The following EHMT1 variants were observed in gnomAD, a reference collection of about 807,000 sequenced individuals.
The protein encoded by EHMT1 is histone-lysine N-methyltransferase EHMT1.
Under a neutral mutation model 147.2 loss-of-function variants are expected in EHMT1, and 15 were observed. The ratio of observed to expected loss-of-function variants is 0.10; its 90% CI spans 0.07 to 0.16. The LOEUF (loss-of-function observed/expected upper bound fraction) is 0.16. Among genes scored for constraint, EHMT1 ranks in the 10% least tolerant of loss-of-function variants. EHMT1 has a pLI of 1.00. For synonymous variants in EHMT1, 795 were observed against 709.6 expected (o/e 1.12, Z -1.91); for missense variants, 1,587 against 1,772.4 (o/e 0.90, Z 1.88).
intron 25 of EHMT1, among the ~76,000 whole-genome samples, chr9:137,827,505 T>C (rs558715161): frequency 6.6e-6 from 1 of 152,204 alleles, no homozygotes; most frequent in East Asian, 1.9e-4. Context: ...CCAGGAAGCT[T>C]TCTGATTCTG....
chr9:137,673,035 G>A (rs146037420), intron 1 of EHMT1, among the ~76,000 whole-genome samples: 8 of 152,314 alleles, frequency 5.3e-5, no homozygotes, highest in Non-Finnish European at 7.3e-5. Flanking sequence ...GGCTGACACC[G>A]GGCTGGATGG....
intron 1 of EHMT1, among the ~76,000 whole-genome samples, chr9:137,695,121 C>T (rs989488563): frequency 6.6e-6 from 1 of 152,236 alleles, no homozygotes; most frequent in Admixed American, 6.5e-5. Context: ...CAGGCAGGTG[C>T]TCACACCCTG....
intron 1 of EHMT1, chr9:137,675,337 G>A (rs930079102): frequency 3.3e-5 from 5 of 152,246 alleles, no homozygotes; most frequent in Non-Finnish European, 7.3e-5. Flanking sequence ...TGAGAATAAT[G>A]TGGCTTAAAA....
intron 1 of EHMT1, among the ~76,000 whole-genome samples, chr9:137,639,334 G>T (rs1844315354): frequency 6.6e-6 from 1 of 152,248 alleles, no homozygotes; most frequent in African/African-American, 2.4e-5. Flanking sequence ...CTATATGTCA[G>T]ATTGAATTGG....
chr9:137,763,018 G>A, intron 10 of EHMT1, 198 bp downstream of exon 10: 2 of 698,714 alleles, frequency 2.9e-6, no homozygotes, highest in Admixed American at 2.3e-5. Context: ...TCTAGAGCTT[G>A]TTAAAAAGGA....
intron 4 of EHMT1, among the ~76,000 whole-genome samples, chr9:137,728,874 G>A (rs535137269): frequency 6.6e-6 from 1 of 152,304 alleles, no homozygotes; most frequent in Non-Finnish European, 1.5e-5. Context: ...AAATGCTGGG[G>A]TGTGCTGGGG....
chr9:137,655,104 G>C (rs764830936), intron 1 of EHMT1, among the ~76,000 whole-genome samples: 2 of 151,848 alleles, frequency 1.3e-5, no homozygotes, highest in Non-Finnish European at 2.9e-5. Context: ...GTTCAAAAGA[G>C]TCTCCTGCCT....
intron 1 of EHMT1, among the ~76,000 whole-genome samples, chr9:137,686,227 C>CTGT (rs1177422461): frequency 7.5e-6 from 1 of 134,132 alleles, no homozygotes; most frequent in East Asian, 2.0e-4. Context: ...TCCAATTTAT[C>CTGT]TGTTTTTTCT....
Position 137,757,938 on chromosome 9 carries a change from C to T in EHMT1, c.1428C>T (p.Ser476=), listed in dbSNP as rs770624310. ...GSAEQTAPGD[S]TGYMEVSLDS... ...CTGAGCAGACGGCACCAGGAGACAG[C>T]ACAGGGTACATGGAAGTTTCTCTGG... is the stretch of plus-strand genomic sequence containing the variant. The change falls in exon 9 of 27, where the codon AGC becomes AGT. Residue 476 remains serine, a synonymous_variant. Coordinates refer to ENST00000460843, the MANE Select transcript of EHMT1 (RefSeq NM_024757.5). 2.5e-6 allele frequency: 4 copies of T among 1,613,904 alleles called. No homozygotes were observed. Among genetic ancestry groups the T allele is most frequent in the Non-Finnish European group, 2.5e-6 (3 of 1,180,016 alleles).
At chr9:137,703,180 C>A (rs1045682630) in intron 1 of EHMT1, among the ~76,000 whole-genome samples, 3 of 152,212 alleles carry the variant, frequency 2.0e-5, no homozygotes, top group Non-Finnish European at 4.4e-5. Flanking sequence ...GGGTCTGGCC[C>A]ACAAAACCAT....
intron 1 of EHMT1, among the ~76,000 whole-genome samples, chr9:137,689,134 A>G (rs1942717211): frequency 1.3e-5 from 2 of 152,164 alleles, no homozygotes; most frequent in African/African-American, 4.8e-5. Context: ...TTTACACTGG[A>G]AAGGATTTTA....
chr9:137,630,755 C>T (rs933710483), intron 1 of EHMT1, among the ~76,000 whole-genome samples: 4 of 152,078 alleles, frequency 2.6e-5, no homozygotes, highest in Admixed American at 1.3e-4. Flanking sequence ...CCAGTTTCCT[C>T]GACTGTGATT....
chr9:137,750,752 T>C (rs1000982829), intron 6 of EHMT1, among the ~76,000 whole-genome samples: 1 of 152,208 alleles, frequency 6.6e-6, no homozygotes, highest in African/African-American at 2.4e-5. Context: ...GCTCAGGACG[T>C]GGCTGCCGGA....
At chr9:137,659,016 G>C (rs1399968433) in intron 1 of EHMT1, among the ~76,000 whole-genome samples, 2 of 151,980 alleles carry the variant, frequency 1.3e-5, no homozygotes, top group African/African-American at 4.8e-5. Flanking sequence ...CTCTTTCCTT[G>C]AGTTTGAGTC....
At chr9:137,661,133 T>G (rs1564551307) in intron 1 of EHMT1, among the ~76,000 whole-genome samples, 1 of 152,192 alleles carries the variant, frequency 6.6e-6, no homozygotes. Flanking sequence ...AATTTTAGAC[T>G]TACAAAAAAA....
intron 1 of EHMT1, among the ~76,000 whole-genome samples, chr9:137,675,678 GC>G (rs1941199597): frequency 7.1e-6 from 1 of 140,738 alleles, no homozygotes; most frequent in Non-Finnish European, 1.5e-5. Context: ...CTGTCACCAG[GC>G]TGGCTCACTG....
chr9:137,722,135 C>T (rs1946121274), intron 3 of EHMT1, among the ~76,000 whole-genome samples: 1 of 152,148 alleles, frequency 6.6e-6, no homozygotes, highest in Admixed American at 6.5e-5. Context: ...AGAAACTGTA[C>T]ATCATTCGTC....
intron 25 of EHMT1, among the ~76,000 whole-genome samples, chr9:137,823,844 C>T (rs1955630949): frequency 6.6e-6 from 1 of 152,264 alleles, no homozygotes. Context: ...AGGCGTGAGC[C>T]ACTGTGCCTG....
At chr9:137,632,736 C>T (rs1843713725) in intron 1 of EHMT1, among the ~76,000 whole-genome samples, 1 of 152,156 alleles carries the variant, frequency 6.6e-6, no homozygotes, top group Non-Finnish European at 1.5e-5. Flanking sequence ...AGGCGTGAGC[C>T]ACTGTGCCCG....
Sources: allele counts gnomAD v4.1 joint callset (sites outside exome capture counted in the v4.1 genomes callset), GRCh38; gene constraint gnomAD v4.1.1; transcripts MANE v1.5; gene names NCBI Gene and HGNC (gene_info 2026-07-23, HGNC 2026-07-21).